SLC41A1: variants seen among roughly 807,000 people sequenced by gnomAD.
SLC41A1 encodes solute carrier family 41 (magnesium transporter), member 1.
In SLC41A1, 20 loss-of-function variants were observed where a neutral mutation model predicts 47.3. That is an observed-to-expected ratio of 0.42 (90% CI 0.30 to 0.61). SLC41A1 has a LOEUF of 0.61. Ranked by LOEUF, SLC41A1 falls within the 20% of genes least tolerant of loss-of-function variation. The pLI is 0.17. For synonymous variants in SLC41A1, 282 were observed against 272.7 expected (o/e 1.03, Z -0.34); for missense variants, 504 against 674.1 (o/e 0.75, Z 2.79).
chr1:205,799,027 G>C lies in SLC41A1; in HGVS notation c.627C>G (p.Phe209Leu). 1 of 1,613,900 alleles carries C rather than the reference G, an allele frequency of 6.2e-7. No homozygotes were observed. Among genetic ancestry groups the C allele is most frequent in the South Asian group, 1.1e-5 (1 of 91,070 alleles). The change falls in exon 5 of 11, where the codon TTC (phenylalanine) becomes TTG (leucine). Residue 209 changes from phenylalanine (F) to leucine (L), a missense_variant. By Grantham distance (22) the Phe-to-Leu change is conservative. This residue lies in a region of SLC41A1 where 421 missense variants were observed against 601.6 expected (regional missense o/e 0.70). Coordinates refer to ENST00000367137, the MANE Select transcript of SLC41A1 (RefSeq NM_173854.6). The stretch of plus-strand genomic sequence containing the variant: ...AGAGCAGGAAGGCGTGCGGAATACT[G>C]AAGTGGCCATCAGGGATCCAGCCAA... ...VVFGWIPDGH[F>L]SIPHAFLLCA...
intron 2 of SLC41A1, among the ~76,000 whole-genome samples, chr1:205,807,483 C>CT (rs1021000084): frequency 1.3e-5 from 2 of 152,136 alleles, no homozygotes; most frequent in Non-Finnish European, 2.9e-5. Flanking sequence ...ACTTTGGAAT[C>CT]TAAGTGTGTG....
Position 205,813,058 on chromosome 1 carries a change from G to A in SLC41A1, c.-897C>T, listed in dbSNP as rs1018110323. ...CGGGGGAGGTGGCCGGGGAGGGCAG[G>A]ATATATCGCTTCGGGCCCGGCGGGG... On this transcript the variant is annotated 5_prime_UTR_variant, in exon 1 of 11. Coordinates refer to ENST00000367137, the MANE Select transcript of SLC41A1 (RefSeq NM_173854.6). The A allele has an allele frequency of 8.1e-6, 8 of 985,430 alleles. No homozygotes were observed. The highest frequency in any genetic ancestry group is 1.0e-3 in the Middle Eastern group (2 of 1,936). The allele number at this position is 985,430 out of a possible 1,614,324, so 61.0% of individuals were successfully genotyped here. A position where few individuals can be genotyped will look rare whatever the true frequency, so the allele number is the denominator to read the frequency against.
intron 7 of SLC41A1, among the ~76,000 whole-genome samples, chr1:205,797,395 T>C (rs529438300): frequency 6.6e-6 from 1 of 152,366 alleles, no homozygotes; most frequent in East Asian, 1.9e-4. Flanking sequence ...GCTCAGTGAC[T>C]GTGGCTCAGG....
Position 205,813,142 on chromosome 1 carries a change from C to T in SLC41A1, c.-981G>A. On this transcript the variant is annotated 5_prime_UTR_variant, in exon 1 of 11. Transcript: ENST00000367137. The stretch of plus-strand genomic sequence containing the variant: ...CACGCGCCCCCAATCGCTTCTTGCC[C>T]GCGGACTCGGGCCCAACTGGTTGGC... 3.0e-6 allele frequency: 3 copies of T among 985,634 alleles called. No individual in the cohort carries two copies. The highest frequency in any genetic ancestry group is 3.6e-6 in the Non-Finnish European group (3 of 830,092). The allele number at this position is 985,634 out of a possible 1,614,324, so 61.1% of individuals were successfully genotyped here.
In SLC41A1 at chr1:205,791,431, C is replaced by G. The variant is rs1199478787; in HGVS notation, c.*102G>C. 7.2e-7 allele frequency: 1 copy of G among 1,387,922 alleles called. No homozygotes were observed. The highest frequency in any genetic ancestry group is 1.4e-5 in the African/African-American group (1 of 70,418). The allele number at this position is 1,387,922 out of a possible 1,614,324, so 86.0% of individuals were successfully genotyped here. A position where few individuals can be genotyped will look rare whatever the true frequency, so the allele number is the denominator to read the frequency against. ...GAGAATTTGGTATCAAAGTGAAGTC[C>G]TAGAAAGAGGTGGGAGTGTGGGGTG... On this transcript the variant is annotated 3_prime_UTR_variant, in exon 11 of 11. Transcript: ENST00000367137. The surrounding 1 kb of genome is among the most constrained non-coding windows in gnomAD (Gnocchi z 4.0).
intron 10 of SLC41A1, among the ~76,000 whole-genome samples, chr1:205,792,545 A>G (rs564741440): frequency 6.6e-6 from 1 of 152,206 alleles, no homozygotes; most frequent in Non-Finnish European, 1.5e-5. Flanking sequence ...CAGCATCAAC[A>G]ACAGCTGGGT....
intron 2 of SLC41A1, among the ~76,000 whole-genome samples, chr1:205,809,092 G>A (rs1214926132): frequency 6.6e-6 from 1 of 152,192 alleles, no homozygotes; most frequent in African/African-American, 2.4e-5. Flanking sequence ...GAGTACCTAG[G>A]ACAGAGGCCA....
intron 2 of SLC41A1, among the ~76,000 whole-genome samples, chr1:205,804,928 T>C (rs186733472): frequency 2.1e-4 from 32 of 152,364 alleles, no homozygotes; most frequent in African/African-American, 7.2e-4. Context: ...TAATGAATAT[T>C]GCTTGCTTTT....
At chr1:205,801,512 G>A (rs974455104) in intron 2 of SLC41A1, 8 of 233,624 alleles carry the variant, frequency 3.4e-5, no homozygotes, top group Non-Finnish European at 5.1e-5. Flanking sequence ...GGCTGGGGCC[G>A]AGGCTGGGGA....
chr1:205,795,309 C>A, intron 9 of SLC41A1, 35 bp downstream of exon 9: 6 of 1,613,900 alleles, frequency 3.7e-6, no homozygotes, highest in Non-Finnish European at 5.1e-6. Context: ...AGGCCCACTC[C>A]CCCCAGGGCT....
In SLC41A1 at chr1:205,795,660, G is replaced by A. The variant is rs561309057; in HGVS notation, c.1073-182C>T. On this transcript the variant is annotated intron_variant, in intron 8 of 10. Transcript: ENST00000367137. ...AGAAGAGTAAGGCACTAAGAAGGAA[G>A]ACAAAGACCCCTGCTTCCAGTGCAT... 1.8e-5 allele frequency: 13 copies of A among 730,958 alleles called. No individual in the cohort carries two copies. In the East Asian group the frequency reaches 3.0e-4, roughly 17 times the overall value. 45.3% of individuals were successfully genotyped at this position (730,958 alleles called of 1,614,324 possible).
chr1:205,800,847 T>A, intron 3 of SLC41A1, 106 bp downstream of exon 3: 49 of 958,424 alleles, frequency 5.1e-5, no homozygotes, highest in East Asian at 1.1e-4. Flanking sequence ...AGCCCCACAC[T>A]CCAGGCCTGG....
chr1:205,810,746 C>A lies in SLC41A1; in HGVS notation c.-305G>T. On this transcript the variant is annotated 5_prime_UTR_variant, in exon 2 of 11. Coordinates refer to ENST00000367137, the MANE Select transcript of SLC41A1 (RefSeq NM_173854.6). The surrounding 1 kb of genome is among the most constrained non-coding windows in gnomAD (Gnocchi z 5.5). The stretch of plus-strand genomic sequence containing the variant: ...TGCTTGAAGAAAAAGTATCTGTCCT[C>A]TTATCTTCTTTGGTTCTCAGTGGCA... The A allele has an allele frequency of 2.3e-6, 1 of 440,494 alleles. No homozygotes were observed. The highest frequency in any genetic ancestry group is 4.2e-6 in the Non-Finnish European group (1 of 237,598). The allele number at this position is 440,494 out of a possible 1,614,324, so 27.3% of individuals were successfully genotyped here.
intron 2 of SLC41A1, among the ~76,000 whole-genome samples, chr1:205,803,254 T>C (rs1054722708): frequency 7.9e-5 from 12 of 152,116 alleles, no homozygotes; most frequent in Admixed American, 4.6e-4. Flanking sequence ...TGAAAAACAG[T>C]ACGGTGGTTC....
At chr1:205,795,316 G>T (rs774109534) in intron 9 of SLC41A1, 28 bp downstream of exon 9, 1 of 1,614,150 alleles carries the variant, frequency 6.2e-7, no homozygotes, top group South Asian at 1.1e-5. Flanking sequence ...CTCCCCCCAG[G>T]GCTGGGAGGC....
chr1:205,798,334 A>C (rs1655795999), intron 6 of SLC41A1, among the ~76,000 whole-genome samples: 1 of 152,180 alleles, frequency 6.6e-6, no homozygotes, highest in Non-Finnish European at 1.5e-5. Flanking sequence ...ATTGGAGCCC[A>C]GAAAACACCA....
rs375407324 is a variant in SLC41A1, at chr1:205,796,089, A to G, written c.1073-611T>C. On this transcript the variant is annotated intron_variant, in intron 8 of 10. Transcript: ENST00000367137. ...TGAGCTCTGGGGGACTGGTCTCCAC[A>G]GACTGCATTACCCAGTCTCCCTTGC... 23 of 169,660 alleles carry G rather than the reference A, an allele frequency of 1.4e-4. 2 individuals carry two copies. The highest frequency in any genetic ancestry group is 5.0e-4 in the African/African-American group (21 of 41,780). The allele number at this position is 169,660 out of a possible 1,614,324, so 10.5% of individuals were successfully genotyped here.
At chr1:205,803,478 A>G (rs1379772507) in intron 2 of SLC41A1, among the ~76,000 whole-genome samples, 4 of 152,134 alleles carry the variant, frequency 2.6e-5, no homozygotes, top group African/African-American at 4.8e-5. Context: ...CATATATACC[A>G]TGGAATATTT....
In SLC41A1 at chr1:205,806,090, G is replaced by C. The variant is rs551908436; in HGVS notation, c.372+3980C>G. Among the ~76,000 whole-genome samples the C allele has an allele frequency of 1.2e-4, 18 of 152,368 alleles. 1 individual carries two copies. In the East Asian group the frequency reaches 2.5e-3, roughly 21 times the overall value. ...ATTACAGTAACCCCAGGCTTCACCT[G>C]TCTGAGGCTTTTCCAAAAGGCATCC... On this transcript the variant is annotated intron_variant, in intron 2 of 10. Transcript: ENST00000367137.
Sources: allele counts gnomAD v4.1 joint callset (sites outside exome capture counted in the v4.1 genomes callset), GRCh38; gene constraint gnomAD v4.1.1; regional missense constraint gnomAD v4.1.1; non-coding constraint Gnocchi (gnomAD v3.1); transcripts MANE v1.5; gene names NCBI Gene and HGNC (gene_info 2026-07-23, HGNC 2026-07-21).